Variants in KMT2D observed in about 807,000 individuals in gnomAD.
The protein encoded by KMT2D is histone-lysine N-methyltransferase 2D.
KMT2D carries 55 observed loss-of-function variants against 512.7 expected under a neutral mutation model. The ratio of observed to expected loss-of-function variants is 0.11; its 90% CI spans 0.09 to 0.13. The LOEUF (loss-of-function observed/expected upper bound fraction) is 0.13, where lower values mean the gene tolerates loss of function less well. Ranked by LOEUF, KMT2D falls within the 10% of genes least tolerant of loss-of-function variation. The probability of loss-of-function intolerance (pLI) is 1.00; values close to 1 mark genes in which losing one functional copy is unlikely to be tolerated. For missense variants in KMT2D, 6,061 were observed against 7,127.9 expected, an observed-to-expected ratio of 0.85 and a Z score of 5.39; for synonymous variants, 2,995 against 2,904.0, an observed-to-expected ratio of 1.03 and a Z score of -1.01.
At position 49,042,277 on chromosome 12, in the gene KMT2D, G is replaced by C. The variant is rs777415982; in HGVS notation, c.5921C>G (p.Thr1974Arg). The change falls in exon 29 of 55, where the codon ACG becomes AGG. Residue 1974 changes from threonine to arginine, a missense_variant. Transcript: ENST00000301067. This position sits in a 1 kb window ranked among gnomAD's most constrained non-coding sequence, Gnocchi z 4.4. ...PEPGEPDSPW[T>R]GSGGTTPSTP... ...GGAGGGCGTGGTGCCACCTGAGCCCGTCCAGGGGCTGTCGGGCTCACCGGG... is the reference window on the plus strand; with the variant it reads ...GGAGGGCGTGGTGCCACCTGAGCCCCTCCAGGGGCTGTCGGGCTCACCGGG... 1 of 1,570,334 alleles carries C rather than the reference G, an allele frequency of 6.4e-7. No homozygotes were observed. The highest frequency in any genetic ancestry group is 8.6e-7 in the Non-Finnish European group (1 of 1,157,306).
chr12:49,021,822 G>A lies in KMT2D; in HGVS notation c.16572C>T (p.Pro5524=), dbSNP rs764043577. 8 of 1,613,904 alleles carry A rather than the reference G, an allele frequency of 5.0e-6. No homozygotes were observed. The African/African-American group carries it at 5.3e-5, about 11-fold the overall frequency. Residue 5524 remains proline, a synonymous_variant, in exon 55 of 55, where the codon CCC becomes CCT. Transcript: ENST00000301067. ...FDFEDDQHKI[P]CHCGAWNCRK... is the part of the protein sequence containing the mutation. ...GACAATTCCAGGCTCCACAGTGGCA[G>A]GGGATCTTGTGCTGATCGTCCTCAA...
At position 49,051,621 on chromosome 12, in the gene KMT2D, G is replaced by T; in HGVS notation, c.2062C>A (p.Arg688Ser). The T allele has an allele frequency of 6.3e-7, 1 of 1,578,858 alleles. No individual in the cohort carries two copies. Among genetic ancestry groups the T allele is most frequent in the Non-Finnish European group, 8.6e-7 (1 of 1,159,558 alleles). Residue 688 changes from arginine (R) to serine (S), a missense_variant, in exon 11 of 55, where the codon CGC becomes AGC. Arg to Ser is a moderately radical substitution (Grantham distance 110). Transcript: ENST00000301067. ...SPTSPPPEAS[R>S]LSPPPEDSPT... ...GAGTCCTCAGGTGGTGGGGAGAGGC[G>T]TGAAGCCTCAGGTGGAGGGGACGTG...
At position 49,043,651 on chromosome 12, in the gene KMT2D, G is replaced by A. The variant is rs1297273141; in HGVS notation, c.5451C>T (p.Leu1817=). ...ATAACTAACCTTTCTGCGATGTGGG[G>A]AGTTCCTTCCTTTCTGAGCCTCCAT... is the stretch of plus-strand genomic sequence containing the variant. ...KGDGGSERKE[L]PTSQKGDDGP... Residue 1817 remains leucine (L), a synonymous_variant, in exon 24 of 55, where the codon CTC becomes CTT. Transcript: ENST00000301067. 6.2e-7 allele frequency: 1 copy of A among 1,614,014 alleles called. No individual in the cohort carries two copies. Among genetic ancestry groups the A allele is most frequent in the Admixed American group, 1.7e-5 (1 of 60,030 alleles).
In KMT2D at chr12:49,022,494, C is replaced by G; in HGVS notation, c.16338+96G>C. 3.3e-6 allele frequency: 5 copies of G among 1,535,414 alleles called. No individual in the cohort carries two copies. Among genetic ancestry groups the G allele is most frequent in the Non-Finnish European group, 4.4e-6 (5 of 1,123,912 alleles). ...TCTCCTGCCTTTCCCTTCTCCCCACCACAGCTTTCCTCCTGCTCTCCTGTG... is the reference window on the plus strand; with the variant it reads ...TCTCCTGCCTTTCCCTTCTCCCCACGACAGCTTTCCTCCTGCTCTCCTGTG... On this transcript the variant is annotated intron_variant, in intron 52 of 54. Transcript: ENST00000301067. The surrounding 1 kb of genome is among the most constrained non-coding windows in gnomAD (Gnocchi z 8.6).
rs748558359 is a variant in KMT2D at position 49,049,667 on chromosome 12, T to C, written c.3906+15A>G. On this transcript the variant is annotated intron_variant, in intron 12 of 54. Transcript: ENST00000301067. ...GCTAACTCTAATCACATCCCGCAGC[T>C]AGATAGCCCCTCACCTGTTTGATGC... 5 of 1,555,496 alleles carry C rather than the reference T, an allele frequency of 3.2e-6. No homozygotes were observed. The highest frequency in any genetic ancestry group is 1.8e-5 in the Admixed American group (1 of 54,634).
At chr12:49,021,977 A>C (rs1942349304) in intron 54 of KMT2D, 66 bp downstream of exon 54, 10 of 1,553,786 alleles carry the variant, frequency 6.4e-6, no homozygotes, top group Non-Finnish European at 8.9e-6. Context: ...ACATTTAGGG[A>C]ATGGCAGAGA....
Position 49,042,546 on chromosome 12 carries a change from C to T in KMT2D, c.5867+15G>A, listed in dbSNP as rs145380428. Reference sequence around the variant, plus strand: ...CAACGAGGACTGCCCACAAAGGTTACGCAGAGACACCAACCTAGAATCCAG... The same window carrying T: ...CAACGAGGACTGCCCACAAAGGTTATGCAGAGACACCAACCTAGAATCCAG... On this transcript the variant is annotated intron_variant, in intron 28 of 54. Coordinates refer to ENST00000301067, the MANE Select transcript of KMT2D (RefSeq NM_003482.4). The surrounding 1 kb of genome is among the most constrained non-coding windows in gnomAD (Gnocchi z 4.4). 3.1e-6 allele frequency: 5 copies of T among 1,612,502 alleles called. No homozygotes were observed. Among genetic ancestry groups the T allele is most frequent in the Non-Finnish European group, 4.2e-6 (5 of 1,178,882 alleles).
At chr12:49,053,398 G>A in intron 7 of KMT2D, 77 bp from the exon 8 acceptor site, 2 of 1,604,962 alleles carry the variant, frequency 1.2e-6, no homozygotes, top group Non-Finnish European at 1.7e-6. Context: ...CATGTTAACA[G>A]GCCTTCTCCG....
intron 1 of KMT2D, among the ~76,000 whole-genome samples, chr12:49,056,746 G>A (rs1053766831): frequency 1.3e-5 from 2 of 152,190 alleles, no homozygotes; most frequent in Non-Finnish European, 2.9e-5. Flanking sequence ...TCCCAAACTG[G>A]AAGGCAAATA....
In KMT2D at chr12:49,037,335, G is replaced by T. The variant is rs2120477437; in HGVS notation, c.10021C>A (p.Gln3341Lys). The T allele has an allele frequency of 6.2e-7, 1 of 1,612,142 alleles. No homozygotes were observed. The highest frequency in any genetic ancestry group is 8.5e-7 in the Non-Finnish European group (1 of 1,179,282). ...PTQPPAHALQ[Q>K]RLAPSMAMVS... ...ATAGCCATGGATGGAGCCAGGCGTT[G>T]CTGGAGGGCATGAGCTGGTGGCTGG... The change falls in exon 35 of 55, where the codon CAA (glutamine) becomes AAA (lysine). Residue 3341 changes from glutamine (Q) to lysine (K), a missense_variant. Coordinates refer to ENST00000301067, the MANE Select transcript of KMT2D (RefSeq NM_003482.4).
intron 14 of KMT2D, 21 bp from the exon 15 acceptor site, chr12:49,048,090 C>A (rs563684190): frequency 6.6e-7 from 1 of 1,515,732 alleles, no homozygotes. Context: ...ACAGAGAAAC[C>A]CAAATGTCCA....
chr12:49,056,649 A>G (rs1427466711), intron 1 of KMT2D, among the ~76,000 whole-genome samples: 7 of 152,140 alleles, frequency 4.6e-5, no homozygotes, highest in African/African-American at 7.2e-5. Context: ...TCAAACAATA[A>G]AAGTTTGAGA....
intron 51 of KMT2D, among the ~76,000 whole-genome samples, chr12:49,023,688 T>C (rs1023201658): frequency 1.3e-5 from 2 of 152,180 alleles, no homozygotes; most frequent in South Asian, 2.1e-4. Context: ...GGAAGAGATA[T>C]GCATGGGAAG....
chr12:49,041,181 G>T lies in KMT2D; in HGVS notation c.6589C>A (p.Pro2197Thr), dbSNP rs1026412241. The T allele has an allele frequency of 6.6e-7, 1 of 1,518,118 alleles. No individual in the cohort carries two copies. The allele number at this position is 1,518,118 out of a possible 1,614,324, so 94.0% of individuals were successfully genotyped here. The change falls in exon 32 of 55, where the codon CCC becomes ACC. Residue 2197 changes from proline (P) to threonine (T), a missense_variant. Coordinates refer to ENST00000301067, the MANE Select transcript of KMT2D (RefSeq NM_003482.4). This position sits in a 1 kb window ranked among gnomAD's most constrained non-coding sequence, Gnocchi z 5.4. ...GCCCCCGTAGGACTAGGATAGGGGG[G>T]ATAGGTGGGCGGTGCCGTGGGGAAG... The part of the protein sequence containing the change: ...PRFPTAPPTY[P>T]PYPSPTGAPA...
In KMT2D at chr12:49,039,952, C is replaced by T. The variant is rs370261310; in HGVS notation, c.7818G>A (p.Gly2606=). ...CCGACGGAGGGCGTAGTGGGGACAG[C>T]CCATAGCTCTCCCCTGTGGACCCGC... ...PSSGSTGESY[G]LSPLRPPSVL... The change falls in exon 32 of 55, where the codon GGG becomes GGA. Residue 2606 remains glycine, a synonymous_variant. Coordinates refer to ENST00000301067, the MANE Select transcript of KMT2D (RefSeq NM_003482.4). The surrounding 1 kb of genome is among the most constrained non-coding windows in gnomAD (Gnocchi z 5.0). The T allele has an allele frequency of 6.2e-7, 1 of 1,613,894 alleles. No homozygotes were observed. The highest frequency in any genetic ancestry group is 8.5e-7 in the Non-Finnish European group (1 of 1,179,836).
Position 49,032,061 on chromosome 12 carries a change from C to A in KMT2D, c.12644G>T (p.Ser4215Ile), listed in dbSNP as rs1447629255. ...CTGTAGCTGCTGCTGCTGCTGAGGA[C>A]TTAAGTGCCGCAGCTGTGGGTTTTT... The part of the protein sequence containing the change: ...LAKNPQLRHL[S>I]PQQQQQLQAL... The change falls in exon 40 of 55, where the codon AGT (serine) becomes ATT (isoleucine). Residue 4215 changes from serine (S) to isoleucine (I), a missense_variant. Ser to Ile is a moderately radical substitution (Grantham distance 142, BLOSUM62 -2). Transcript: ENST00000301067. 6.2e-7 allele frequency: 1 copy of A among 1,612,698 alleles called. No individual in the cohort carries two copies. Among genetic ancestry groups the A allele is most frequent in the Non-Finnish European group, 8.5e-7 (1 of 1,179,248 alleles).
rs1312397806 is a variant in KMT2D at position 49,032,658 on chromosome 12, C to G, written c.12047G>C (p.Gly4016Ala). 3 of 1,613,922 alleles carry G rather than the reference C, an allele frequency of 1.9e-6. No homozygotes were observed. ...CTTGCCCGTCAGGAGGAGGGTTGGA[C>G]CCAGGGCTCCAGGGCTAGAAAAGTG... is the stretch of plus-strand genomic sequence containing the variant. The part of the protein sequence containing the change: ...LQHFSSPGAL[G>A]PTLLLTGKEQ... Residue 4016 changes from glycine to alanine, a missense_variant, in exon 40 of 55, where the codon GGT becomes GCT. Transcript: ENST00000301067.
chr12:49,043,155 T>C lies in KMT2D; in HGVS notation c.5565A>G (p.Pro1855=), dbSNP rs755301303. The C allele has an allele frequency of 7.4e-6, 12 of 1,613,956 alleles. No homozygotes were observed. The highest frequency in any genetic ancestry group is 9.3e-6 in the Non-Finnish European group (11 of 1,179,848). The change falls in exon 26 of 55, where the codon CCA becomes CCG. Residue 1855 remains proline, a synonymous_variant. Transcript: ENST00000301067. ...CTGGCTTCTCAGGGTCACTGGGCAC[T>C]GGGGATGCCTTCACGCCCCCATCCT... ...GPEDGGVKAS[P]VPSDPEKPGT...
Position 49,050,775 on chromosome 12 carries a change from G to A in KMT2D, c.2813C>T (p.Pro938Leu), listed in dbSNP as rs2120656736. The part of the protein sequence containing the change: ...QLMPPDPLPP[P>L]LSPIITAAAP... ...CGCAGCTGTGATGATGGGTGAGAGTGGAGGAGGAAGGGGATCTGGAAGGAA... is the reference window on the plus strand; with the variant it reads ...CGCAGCTGTGATGATGGGTGAGAGTAGAGGAGGAAGGGGATCTGGAAGGAA... Residue 938 changes from proline (P) to leucine (L), a missense_variant, in exon 12 of 55, where the codon CCA (proline) becomes CTA (leucine). Around this residue, in one of 16 missense-constraint regions of KMT2D, gnomAD observed 848 missense variants for 838.5 expected, o/e 1.01. Transcript: ENST00000301067. 6.2e-7 allele frequency: 1 copy of A among 1,604,718 alleles called. No individual in the cohort carries two copies. Among genetic ancestry groups the A allele is most frequent in the Middle Eastern group, 1.7e-4 (1 of 6,020 alleles).
Sources: gnomAD v4.1 joint callset for allele counts (sites outside exome capture counted in the v4.1 genomes callset) on GRCh38, gnomAD v4.1.1 for gene constraint, gnomAD v4.1.1 regional missense constraint, Gnocchi (gnomAD v3.1) non-coding constraint, MANE v1.5 for transcripts, NCBI Gene and HGNC (gene_info 2026-07-23, HGNC 2026-07-21) for gene names.